KIF4A: variants seen among roughly 807,000 people sequenced by gnomAD.
KIF4A encodes kinesin family member 4A.
In KIF4A, 7 loss-of-function variants were observed where a neutral mutation model predicts 105.9. That is an observed-to-expected ratio of 0.07 (90% CI 0.04 to 0.12). The LOEUF (loss-of-function observed/expected upper bound fraction) is 0.12. Among genes scored for constraint, KIF4A ranks in the 10% least tolerant of loss-of-function variants. The probability of loss-of-function intolerance (pLI) is 1.00; values close to 1 mark genes in which losing one functional copy is unlikely to be tolerated. For synonymous variants in KIF4A, 281 were observed against 331.3 expected, an observed-to-expected ratio of 0.85 and a Z score of 1.65; for missense variants, 558 against 929.2, an observed-to-expected ratio of 0.60 and a Z score of 5.19.
intron 15 of KIF4A, among the ~76,000 whole-genome samples, chrX:70,372,195 A>T (rs2086140523): frequency 9.2e-6 from 1 of 109,197 alleles, no homozygotes; most frequent in Non-Finnish European, 1.9e-5. Flanking sequence ...CACGTCCCAG[A>T]CGATGGGCGG....
chrX:70,333,439 A>T (rs2085939015), intron 9 of KIF4A, among the ~76,000 whole-genome samples, 189 bp from the exon 10 acceptor site: 1 of 111,840 alleles, frequency 8.9e-6, no homozygotes, highest in East Asian at 2.8e-4. Flanking sequence ...TGTAATGCTG[A>T]TTTTCCTGTT....
At chrX:70,353,503 G>A in intron 14 of KIF4A, 119 bp from the exon 15 acceptor site, 1 of 594,374 alleles carries the variant, frequency 1.7e-6, no homozygotes, top group Non-Finnish European at 2.6e-6. Flanking sequence ...CAGAGCCACT[G>A]TTGTAAAGGA....
At chrX:70,303,696 A>G (rs1225043052) in intron 7 of KIF4A, among the ~76,000 whole-genome samples, 3 of 111,047 alleles carry the variant, frequency 2.7e-5, no homozygotes, top group African/African-American at 9.8e-5. Flanking sequence ...TGTTTTATTT[A>G]ACAGCTTTAT....
At chrX:70,350,055 C>T (rs964276658) in intron 13 of KIF4A, among the ~76,000 whole-genome samples, 2 of 114,038 alleles carry the variant, frequency 1.8e-5, no homozygotes, top group South Asian at 3.5e-4. Flanking sequence ...GGCGGCCAGG[C>T]GGAGACGCTC....
chrX:70,343,331 TG>T (rs1256198622), intron 11 of KIF4A, among the ~76,000 whole-genome samples: 1 of 111,300 alleles, frequency 9.0e-6, no homozygotes, highest in Non-Finnish European at 1.9e-5. Context: ...TTTTTTTGTT[TG>T]TTTTTTTTGT....
intron 18 of KIF4A, among the ~76,000 whole-genome samples, chrX:70,382,590 A>G (rs1220857233): frequency 1.8e-5 from 2 of 112,275 alleles, no homozygotes; most frequent in Non-Finnish European, 3.8e-5. Flanking sequence ...CTAAAGTACA[A>G]ACAGCTAACC....
At chrX:70,327,882 T>A (rs2085916381) in intron 7 of KIF4A, among the ~76,000 whole-genome samples, 1 of 111,820 alleles carries the variant, frequency 8.9e-6, no homozygotes. Flanking sequence ...AGATCATATG[T>A]CCAGTGAGTT....
rs761219067 is a variant in KIF4A, at chrX:70,384,552, C to T, written c.2035-2066C>T. Among the ~76,000 whole-genome samples the T allele has an allele frequency of 4.9e-4, 54 of 109,869 alleles. 1 individual carries two copies. The highest frequency in any genetic ancestry group is 1.8e-3 in the African/African-American group (53 of 30,265). On this transcript the variant is annotated intron_variant, in intron 18 of 30. Coordinates refer to ENST00000374403, the MANE Select transcript of KIF4A (RefSeq NM_012310.5). ...CCTGACCAACATGCTGAAACCCCAT[C>T]TCTACTAAAAATACAAAAAAAATTA...
intron 20 of KIF4A, among the ~76,000 whole-genome samples, chrX:70,390,422 C>A (rs147474399): frequency 1.7e-3 from 189 of 111,617 alleles, no homozygotes; most frequent in Middle Eastern, 0.014. Flanking sequence ...ATGATAATAG[C>A]TATAGATTTT....
At chrX:70,300,993 G>A (rs1282755064) in intron 5 of KIF4A, among the ~76,000 whole-genome samples, 1 of 111,810 alleles carries the variant, frequency 8.9e-6, no homozygotes, top group Non-Finnish European at 1.9e-5. Flanking sequence ...ATATGGGCCT[G>A]AACTAGGCAA....
At chrX:70,419,479 C>G (rs1190124111) in intron 29 of KIF4A, among the ~76,000 whole-genome samples, 182 bp from the exon 30 acceptor site, 1 of 111,994 alleles carries the variant, frequency 8.9e-6, no homozygotes, top group Non-Finnish European at 1.9e-5. Context: ...AGGCATTGCT[C>G]CATTCCTTCA....
Position 70,387,302 on chromosome X carries a change from G to A in KIF4A, c.2232+5G>A, listed in dbSNP as rs1414847313. On this transcript the variant is annotated splice_donor_5th_base_variant and intron_variant, in intron 20 of 30. Coordinates refer to ENST00000374403, the MANE Select transcript of KIF4A (RefSeq NM_012310.5). ...GGCACTGCAGCTCGAGTGAAGGTAT[G>A]AACAACTTGAACTGCCATTTCTCTT... 1.8e-6 allele frequency: 2 copies of A among 1,113,284 alleles called. No homozygotes were observed. Among genetic ancestry groups the A allele is most frequent in the East Asian group, 3.2e-5 (1 of 31,142 alleles). 91.7% of individuals were successfully genotyped at this position (1,113,284 alleles called of 1,213,427 possible). A position where few individuals can be genotyped will look rare whatever the true frequency, so the allele number is the denominator to read the frequency against.
intron 15 of KIF4A, among the ~76,000 whole-genome samples, chrX:70,356,885 T>C: frequency 8.9e-6 from 1 of 112,398 alleles, no homozygotes; most frequent in South Asian, 3.7e-4. Flanking sequence ...TGTTTAAATT[T>C]TTCTGATTAC....
intron 7 of KIF4A, among the ~76,000 whole-genome samples, chrX:70,327,360 AAG>A (rs1291958936): frequency 9.0e-6 from 1 of 111,022 alleles, no homozygotes; most frequent in Non-Finnish European, 1.9e-5. Context: ...TGGAAGATCT[AAG>A]AGAGAGGGAG....
chrX:70,403,270 C>T (rs888298808), intron 23 of KIF4A, among the ~76,000 whole-genome samples: 2 of 112,348 alleles, frequency 1.8e-5, no homozygotes, highest in African/African-American at 6.5e-5. Flanking sequence ...ACCCTTTATA[C>T]ATTTTTGTGT....
intron 15 of KIF4A, among the ~76,000 whole-genome samples, chrX:70,355,046 G>A (rs2086045459): frequency 9.0e-6 from 1 of 111,461 alleles, no homozygotes; most frequent in Non-Finnish European, 1.9e-5. Context: ...TCTATGGTGA[G>A]GTTCCCAAGG....
At chrX:70,347,673 T>C (rs1352697633) in intron 13 of KIF4A, among the ~76,000 whole-genome samples, 2 of 110,645 alleles carry the variant, frequency 1.8e-5, no homozygotes, top group African/African-American at 6.6e-5. Context: ...TTTTTTTTAA[T>C]CCTTTTTAAG....
At chrX:70,331,206 A>G (rs1480464161) in intron 9 of KIF4A, among the ~76,000 whole-genome samples, 2 of 111,750 alleles carry the variant, frequency 1.8e-5, no homozygotes, top group East Asian at 2.8e-4. Context: ...TAATACATGT[A>G]AAGCACTTAG....
intron 7 of KIF4A, among the ~76,000 whole-genome samples, chrX:70,325,244 G>T (rs2085906512): frequency 9.0e-6 from 1 of 111,490 alleles, no homozygotes; most frequent in African/African-American, 3.3e-5. Context: ...CAATATTAAA[G>T]CCATAAGAAT....
Sources: gnomAD v4.1 joint callset for allele counts (sites outside exome capture counted in the v4.1 genomes callset) on GRCh38, gnomAD v4.1.1 for gene constraint, MANE v1.5 for transcripts, NCBI Gene and HGNC (gene_info 2026-07-23, HGNC 2026-07-21) for gene names.